RAB30: variants seen among roughly 807,000 people sequenced by gnomAD.
RAB30 encodes RAB30, member RAS oncogene family, also known as ras-related protein Rab-30.
A neutral mutation model predicts 25.1 loss-of-function variants in RAB30; 9 were observed. That is an observed-to-expected ratio of 0.36 (90% CI 0.22 to 0.63). RAB30 has a LOEUF of 0.63. Among genes scored for constraint, RAB30 ranks in the 20% least tolerant of loss-of-function variants. The probability of loss-of-function intolerance (pLI) is 0.69; values close to 1 mark genes in which losing one functional copy is unlikely to be tolerated. For missense variants in RAB30, 140 were observed against 243.5 expected (o/e 0.58, Z 2.83); for synonymous variants, 77 against 86.4 (o/e 0.89, Z 0.60).
chr11:82,997,146 G>A (rs781080259), intron 2 of RAB30, 78 bp downstream of exon 2: 122 of 1,241,586 alleles, frequency 9.8e-5, no homozygotes, highest in Admixed American at 9.2e-4. Flanking sequence ...CATCCATCTC[G>A]ACAGATTCCC....
chr11:83,001,953 A>T (rs553859510), intron 1 of RAB30, among the ~76,000 whole-genome samples: 5 of 152,114 alleles, frequency 3.3e-5, no homozygotes, highest in Non-Finnish European at 7.4e-5. Flanking sequence ...TGCTCATTTA[A>T]TCCTCATAAC....
chr11:82,993,732 T>C (rs1410714988), intron 3 of RAB30, among the ~76,000 whole-genome samples: 1 of 152,228 alleles, frequency 6.6e-6, no homozygotes. Flanking sequence ...CACCTGCTTA[T>C]TGGCCCAGCT....
chr11:82,993,293 C>T, intron 3 of RAB30, among the ~76,000 whole-genome samples: 1 of 152,202 alleles, frequency 6.6e-6, no homozygotes, highest in East Asian at 1.9e-4. Context: ...TGCCTGTCCC[C>T]CTTCCTATAC....
chr11:83,042,379 C>A (rs1858145977), intron 1 of RAB30, among the ~76,000 whole-genome samples: 1 of 151,838 alleles, frequency 6.6e-6, no homozygotes. Flanking sequence ...ACGGTGAAAC[C>A]CCATCTCTAC....
At chr11:83,061,710 CTTTT>C (rs569263010) in intron 1 of RAB30, among the ~76,000 whole-genome samples, 1 of 79,906 alleles carries the variant, frequency 1.3e-5, no homozygotes, top group Admixed American at 1.7e-4. Flanking sequence ...TCTTTCTTTT[CTTTT>C]TTTTTTTTTT....
chr11:82,985,046 C>T (rs532182258), intron 4 of RAB30, among the ~76,000 whole-genome samples: 6 of 152,228 alleles, frequency 3.9e-5, no homozygotes, highest in African/African-American at 7.2e-5. Context: ...GGTGCAATCT[C>T]GGCTCACTGT....
In RAB30 at chr11:83,027,824, G is replaced by A. The variant is rs189579500; in HGVS notation, c.-8-30500C>T. On this transcript the variant is annotated intron_variant, in intron 1 of 4. Coordinates refer to ENST00000527633, the MANE Select transcript of RAB30 (RefSeq NM_001286060.2). ...TCTGCATTCCCCCCACTCCCCAGCC[G>A]CAAGTAACTACTAATCTATTTTTTT... Among the ~76,000 whole-genome samples the A allele has an allele frequency of 1.8e-3, 268 of 152,066 alleles. 3 individuals carry two copies. The highest frequency in any genetic ancestry group is 1.5e-3 in the South Asian group (7 of 4,816).
Position 82,998,068 on chromosome 11 carries a change from A to G in RAB30, c.-8-744T>C, listed in dbSNP as rs140216230. ...TTGAATCTTTCACTGATCTTCCCCA[A>G]ATAAAGTTAAACACTTTCAACACTT... On this transcript the variant is annotated intron_variant, in intron 1 of 4. Transcript: ENST00000527633. Among the ~76,000 whole-genome samples, 944 of 152,234 alleles carry G rather than the reference A, an allele frequency of 6.2e-3. 7 individuals are homozygous for G. The highest frequency in any genetic ancestry group is 9.8e-3 in the Non-Finnish European group (664 of 68,010).
At chr11:83,010,146 C>T (rs1369627008) in intron 1 of RAB30, among the ~76,000 whole-genome samples, 1 of 152,144 alleles carries the variant, frequency 6.6e-6, no homozygotes, top group Non-Finnish European at 1.5e-5. Flanking sequence ...CCACATGATA[C>T]AGCATTATGA....
chr11:83,024,377 G>A (rs916491759), intron 1 of RAB30, among the ~76,000 whole-genome samples: 1 of 152,162 alleles, frequency 6.6e-6, no homozygotes, highest in African/African-American at 2.4e-5. Flanking sequence ...TCAAACTCCA[G>A]ATCTGCCTCA....
chr11:83,053,850 G>A (rs34658701), intron 1 of RAB30, among the ~76,000 whole-genome samples: 1 of 152,310 alleles, frequency 6.6e-6, no homozygotes, highest in Admixed American at 6.5e-5. Context: ...AGCACTTTGG[G>A]AGGCCAAGGT....
At chr11:83,014,871 GAAGGGGCGAGTC>G (rs1209772163) in intron 1 of RAB30, among the ~76,000 whole-genome samples, 5 of 151,910 alleles carry the variant, frequency 3.3e-5, no homozygotes, top group Non-Finnish European at 7.4e-5. Flanking sequence ...AGGAAGGAAG[GAAGGGGCGAGTC>G]AAGCACATGA....
chr11:82,983,710 A>C lies in RAB30; in HGVS notation c.362-1295T>G, dbSNP rs191052340. Among the ~76,000 whole-genome samples, 352 of 152,124 alleles carry C rather than the reference A, an allele frequency of 2.3e-3. 1 individual carries two copies. The highest frequency in any genetic ancestry group is 3.7e-3 in the Non-Finnish European group (250 of 67,994). On this transcript the variant is annotated intron_variant, in intron 4 of 4. Coordinates refer to ENST00000527633, the MANE Select transcript of RAB30 (RefSeq NM_001286060.2). ...CGGCCTCCAGAAGTGCTGGGATTACACGCAATTGAGCCACCGAGCCGGGCC... is the reference window on the plus strand; with the variant it reads ...CGGCCTCCAGAAGTGCTGGGATTACCCGCAATTGAGCCACCGAGCCGGGCC...
In RAB30 at chr11:82,976,116, A is replaced by C. The variant is rs185300140; in HGVS notation, c.*6049T>G. 1 of 152,338 alleles carries C rather than the reference A, an allele frequency of 6.6e-6. No individual in the cohort carries two copies. The highest frequency in any genetic ancestry group is 6.5e-5 in the Admixed American group (1 of 15,296). 9.4% of individuals were successfully genotyped at this position (152,338 alleles called of 1,614,324 possible). A position where few individuals can be genotyped will look rare whatever the true frequency, so the allele number is the denominator to read the frequency against. On this transcript the variant is annotated 3_prime_UTR_variant, in exon 5 of 5. Transcript: ENST00000527633. ...GGTGACAGTAGTAATGCCCAAAGGC[A>C]AAAGGATGGATCAGACAAATGAATT...
At position 82,982,165 on chromosome 11, in the gene RAB30, T is replaced by C. The variant is rs760399692; in HGVS notation, c.612A>G (p.Ter204=). ...ISYLTCCNFN[*] The stretch of plus-strand genomic sequence containing the variant: ...CCTTTTCTTCTCCGTGCCTCAGCCT[T>C]TAGTTGAAATTACAACAAGTCAAAT... Residue 204 remains the stop codon, a stop_retained_variant, in exon 5 of 5, where the codon TAA becomes TAG. Coordinates refer to ENST00000527633, the MANE Select transcript of RAB30 (RefSeq NM_001286060.2). 2 of 1,614,136 alleles carry C rather than the reference T, an allele frequency of 1.2e-6. No homozygotes were observed. The highest frequency in any genetic ancestry group is 1.7e-6 in the Non-Finnish European group (2 of 1,179,974).
At chr11:82,990,129 C>T (rs1041228085) in intron 3 of RAB30, among the ~76,000 whole-genome samples, 1 of 152,212 alleles carries the variant, frequency 6.6e-6, no homozygotes, top group Non-Finnish European at 1.5e-5. Flanking sequence ...GCTTTCTAAC[C>T]ACTCTCACCT....
In RAB30 at chr11:82,978,448, C is replaced by A. The variant is rs923512286; in HGVS notation, c.*3717G>T. On this transcript the variant is annotated 3_prime_UTR_variant, in exon 5 of 5. Coordinates refer to ENST00000527633, the MANE Select transcript of RAB30 (RefSeq NM_001286060.2). ...CTTGATTAACTTGTTTTCTGAATAC[C>A]TTTAGTTGCTGGCTTAGTGGAGAAG... 3.4e-5 allele frequency: 5 copies of A among 147,864 alleles called. No individual in the cohort carries two copies. Among genetic ancestry groups the A allele is most frequent in the Non-Finnish European group, 7.4e-5 (5 of 67,170 alleles). The allele number at this position is 147,864 out of a possible 1,614,324, so 9.2% of individuals were successfully genotyped here. A position where few individuals can be genotyped will look rare whatever the true frequency, so the allele number is the denominator to read the frequency against.
At chr11:82,995,039 T>C (rs148831195) in intron 2 of RAB30, among the ~76,000 whole-genome samples, 94 of 152,344 alleles carry the variant, frequency 6.2e-4, no homozygotes, top group African/African-American at 2.2e-3. Context: ...ATTTATGCAA[T>C]TTACTATTAC....
rs1345002897 is a variant in RAB30, at chr11:82,979,874, A to G, written c.*2291T>C. On this transcript the variant is annotated 3_prime_UTR_variant, in exon 5 of 5. Transcript: ENST00000527633. ...TTTTAATCCCCTTCTGAGTCTGGCC[A>G]AGGGTATATAGAGAAGGCTAAACCC... The G allele has an allele frequency of 6.6e-6, 1 of 152,202 alleles. No homozygotes were observed. Among genetic ancestry groups the G allele is most frequent in the Non-Finnish European group, 1.5e-5 (1 of 68,040 alleles). 9.4% of individuals were successfully genotyped at this position (152,202 alleles called of 1,614,324 possible).
Sources: gnomAD v4.1 joint callset for allele counts (sites outside exome capture counted in the v4.1 genomes callset) on GRCh38, gnomAD v4.1.1 for gene constraint, MANE v1.5 for transcripts, NCBI Gene and HGNC (gene_info 2026-07-23, HGNC 2026-07-21) for gene names.